The following EIF4G3 variants were observed in gnomAD, a reference collection of about 807,000 sequenced individuals.
EIF4G3 encodes eIF-4-gamma 3.
Under a neutral mutation model 186.4 loss-of-function variants are expected in EIF4G3, and 34 were observed. That is an observed-to-expected ratio of 0.18 (90% CI 0.14 to 0.24). The LOEUF (loss-of-function observed/expected upper bound fraction) is 0.24, where lower values mean the gene tolerates loss of function less well. Ranked by LOEUF, EIF4G3 falls within the 10% of genes least tolerant of loss-of-function variation. EIF4G3 has a pLI of 1.00. For missense variants in EIF4G3, 1,536 were observed against 1,948.5 expected (o/e 0.79, Z 3.99); for synonymous variants, 673 against 679.5 (o/e 0.99, Z 0.15).
intron 2 of EIF4G3, among the ~76,000 whole-genome samples, chr1:21,155,558 C>T (rs969202507): frequency 1.3e-5 from 2 of 151,940 alleles, no homozygotes; most frequent in South Asian, 2.1e-4. Context: ...TAGTCAGGTA[C>T]GGTGCCTCAC....
intron 14 of EIF4G3, among the ~76,000 whole-genome samples, chr1:20,922,255 T>C (rs756467433): frequency 4.6e-5 from 7 of 152,234 alleles, no homozygotes; most frequent in South Asian, 2.1e-4. Flanking sequence ...TCCAAAAATT[T>C]TGACGTAAAT....
In EIF4G3 at chr1:20,868,736, G is replaced by A. The variant is rs534747215; in HGVS notation, c.2623-3474C>T. 4.6e-5 allele frequency among the ~76,000 whole-genome samples: 7 copies of A among 152,262 alleles called. No homozygotes were observed. The South Asian group carries it at 6.2e-4, about 14-fold the overall frequency. ...TGTGTTTAAATGGGTTGTTCGGGACGGGTTTCTTTTTCTCAGGGAGCAAGG... is the reference window on the plus strand; with the variant it reads ...TGTGTTTAAATGGGTTGTTCGGGACAGGTTTCTTTTTCTCAGGGAGCAAGG... On this transcript the variant is annotated intron_variant, in intron 20 of 36. Coordinates refer to ENST00000602326, the MANE Select transcript of EIF4G3 (RefSeq NM_001391906.1).
Position 21,176,235 on chromosome 1 carries a change from G to T in EIF4G3, c.-332C>A. The T allele has an allele frequency of 4.2e-6, 1 of 238,220 alleles. No homozygotes were observed. The highest frequency in any genetic ancestry group is 7.3e-6 in the Non-Finnish European group (1 of 137,770). 14.8% of individuals were successfully genotyped at this position (238,220 alleles called of 1,614,324 possible). ...CGGGTGAGGAGGGGGGACCGCTGCC[G>T]CCGCCGCCGCCGCCGCCGCCGCCGC... On this transcript the variant is annotated 5_prime_UTR_variant, in exon 2 of 37. Coordinates refer to ENST00000602326, the MANE Select transcript of EIF4G3 (RefSeq NM_001391906.1).
intron 2 of EIF4G3, among the ~76,000 whole-genome samples, chr1:21,119,264 A>T (rs1167520993): frequency 6.6e-6 from 1 of 152,088 alleles, no homozygotes; most frequent in Non-Finnish European, 1.5e-5. Flanking sequence ...ATAGAATGAG[A>T]GATTTGAAAG....
At chr1:20,941,131 T>C (rs994469334) in intron 14 of EIF4G3, 7 of 1,247,418 alleles carry the variant, frequency 5.6e-6, no homozygotes, top group South Asian at 4.8e-5. Context: ...TTAGGGACTA[T>C]AGACCATCCT....
intron 2 of EIF4G3, chr1:21,174,881 C>G (rs2098070628): frequency 6.6e-6 from 1 of 152,164 alleles, no homozygotes; most frequent in Non-Finnish European, 1.5e-5. Flanking sequence ...AAATCACGAA[C>G]TAGGTTTAAA....
intron 3 of EIF4G3, among the ~76,000 whole-genome samples, chr1:21,060,823 C>A (rs2094866541): frequency 6.7e-6 from 1 of 149,834 alleles, no homozygotes; most frequent in African/African-American, 2.5e-5. Flanking sequence ...CTGCAATCAT[C>A]TTGGCCACAA....
At chr1:21,105,865 C>T (rs2096608376) in intron 2 of EIF4G3, among the ~76,000 whole-genome samples, 1 of 152,078 alleles carries the variant, frequency 6.6e-6, no homozygotes, top group African/African-American at 2.4e-5. Context: ...GAGTTCGAGG[C>T]CAGCCTGGGC....
At chr1:20,941,237 CA>C (rs1167104461) in intron 14 of EIF4G3, 1 of 1,536,434 alleles carries the variant, frequency 6.5e-7, no homozygotes, top group East Asian at 2.5e-5. Flanking sequence ...CAACAAAACC[CA>C]ACATGTTTCG....
At chr1:20,940,058 G>T (rs1028549014) in intron 14 of EIF4G3, among the ~76,000 whole-genome samples, 3 of 151,794 alleles carry the variant, frequency 2.0e-5, no homozygotes, top group African/African-American at 4.8e-5. Flanking sequence ...GTTTCACTGT[G>T]TTGCCAAGGC....
chr1:21,170,991 TA>T (rs5772940), intron 2 of EIF4G3, among the ~76,000 whole-genome samples: 143,305 of 149,106 alleles, frequency 0.96, 69,025 homozygotes, highest in East Asian at 1. Context: ...AAAAATAAAT[TA>T]AAAAAAAAAA....
chr1:20,903,508 C>T (rs2091111426), intron 15 of EIF4G3, among the ~76,000 whole-genome samples: 1 of 152,272 alleles, frequency 6.6e-6, no homozygotes, highest in Non-Finnish European at 1.5e-5. Flanking sequence ...TATGTGATTC[C>T]CATGCCTCTG....
rs538923162 is a variant in EIF4G3, at chr1:21,001,243, C to A, written c.100G>T (p.Val34Phe). Residue 34 changes from valine to phenylalanine, a missense_variant, in exon 6 of 37, where the codon GTT (valine) becomes TTT (phenylalanine). Around this residue, in one of 11 missense-constraint regions of EIF4G3, gnomAD observed 194 missense variants for 212.8 expected, o/e 0.91. Coordinates refer to ENST00000602326, the MANE Select transcript of EIF4G3 (RefSeq NM_001391906.1). ...CCTCTTCCAGCCAAGGACCTGTAAACGGGAGTCTGTTCCAAAACCTTCCTC... is the reference window on the plus strand; with the variant it reads ...CCTCTTCCAGCCAAGGACCTGTAAAAGGGAGTCTGTTCCAAAACCTTCCTC... ...KRRKVLEQTP[V>F]YRSLAGRGWI... 4.2e-6 allele frequency: 2 copies of A among 471,460 alleles called. No homozygotes were observed. The highest frequency in any genetic ancestry group is 1.5e-5 in the South Asian group (1 of 64,566). 29.2% of individuals were successfully genotyped at this position (471,460 alleles called of 1,614,324 possible).
chr1:21,089,682 G>A (rs1413609717), intron 2 of EIF4G3, among the ~76,000 whole-genome samples: 1 of 151,834 alleles, frequency 6.6e-6, no homozygotes, highest in Non-Finnish European at 1.5e-5. Flanking sequence ...GTCTCCGGGA[G>A]GCTGAGGTGG....
At chr1:20,936,786 T>C (rs2095530214) in intron 14 of EIF4G3, among the ~76,000 whole-genome samples, 3 of 152,208 alleles carry the variant, frequency 2.0e-5, no homozygotes, top group African/African-American at 7.2e-5. Context: ...TATGCTCCCT[T>C]TACACTTCAG....
At position 20,950,062 on chromosome 1, in the gene EIF4G3, A is replaced by G. The variant is rs376651310; in HGVS notation, c.764T>C (p.Val255Ala). The G allele has an allele frequency of 1.9e-6, 3 of 1,613,028 alleles. No individual in the cohort carries two copies. The African/African-American group carries it at 4.0e-5, about 22-fold the overall frequency. ...GCTGGCAGCAAGATGAGCGCTCTCC[A>G]CAGTCCCATAAACCACAGGGCTGTG... The part of the protein sequence containing the change: ...PEHSPVVYGT[V>A]ESAHLAASTP... Residue 255 changes from valine (V) to alanine (A), a missense_variant, in exon 13 of 37, where the codon GTG becomes GCG. Val to Ala is a moderately conservative substitution (Grantham distance 64). Transcript: ENST00000602326.
intron 3 of EIF4G3, among the ~76,000 whole-genome samples, chr1:21,054,169 C>T (rs1246228608): frequency 6.6e-6 from 1 of 151,700 alleles, no homozygotes; most frequent in East Asian, 1.9e-4. Flanking sequence ...TGTGACCTTA[C>T]CCCCAACCCT....
At chr1:20,936,783 C>T (rs950099812) in intron 14 of EIF4G3, among the ~76,000 whole-genome samples, 1 of 152,088 alleles carries the variant, frequency 6.6e-6, no homozygotes, top group Non-Finnish European at 1.5e-5. Flanking sequence ...AAGTATGCTC[C>T]CTTTACACTT....
intron 10 of EIF4G3, among the ~76,000 whole-genome samples, chr1:20,975,080 A>T (rs190476005): frequency 1.3e-5 from 2 of 152,258 alleles, no homozygotes; most frequent in Non-Finnish European, 2.9e-5. Flanking sequence ...AGGTTTGCTG[A>T]ATCAGATTTG....
Sources: allele counts gnomAD v4.1 joint callset (sites outside exome capture counted in the v4.1 genomes callset), GRCh38; gene constraint gnomAD v4.1.1; regional missense constraint gnomAD v4.1.1; transcripts MANE v1.5; gene names NCBI Gene and HGNC (gene_info 2026-07-23, HGNC 2026-07-21).